Variants in TAOK3 observed in about 807,000 individuals in gnomAD.
TAOK3 encodes the protein serine/threonine-protein kinase TAO3.
A neutral mutation model predicts 120.4 loss-of-function variants in TAOK3; 40 were observed. The observed-to-expected ratio is 0.33, with a 90% CI of 0.26 to 0.43. The LOEUF is 0.43. TAOK3 is among the 20% of genes least tolerant of loss of function. TAOK3 has a pLI of 1.00. For synonymous variants in TAOK3, 355 were observed against 387.5 expected, an observed-to-expected ratio of 0.92 and a Z score of 0.99; for missense variants, 821 against 1,112.1, an observed-to-expected ratio of 0.74 and a Z score of 3.72.
At chr12:118,179,854 C>T (rs2138843042) in intron 15 of TAOK3, among the ~76,000 whole-genome samples, 1 of 151,162 alleles carries the variant, frequency 6.6e-6, no homozygotes, top group African/African-American at 2.4e-5. Flanking sequence ...CCATGTTGGC[C>T]AGGCTGGTCT....
chr12:118,338,718 C>G (rs1454905138), intron 1 of TAOK3, among the ~76,000 whole-genome samples: 1 of 129,078 alleles, frequency 7.7e-6, no homozygotes, highest in African/African-American at 3.0e-5. Flanking sequence ...ACCTGGGAGG[C>G]AGAGGTTGCA....
In TAOK3 at chr12:118,195,562, C is replaced by T. The variant is rs1228082475; in HGVS notation, c.1194+3489G>A. ...TCACAGAACATTTGTTGAGCGCTTA[C>T]TATGTAACAGACACTGTGCTACGTG... On this transcript the variant is annotated intron_variant, in intron 13 of 20. Coordinates refer to ENST00000392533, the MANE Select transcript of TAOK3 (RefSeq NM_016281.4). Among the ~76,000 whole-genome samples the T allele has an allele frequency of 2.0e-5, 3 of 152,132 alleles. No homozygotes were observed. In the South Asian group the frequency reaches 6.2e-4, roughly 32 times the overall value.
chr12:118,351,164 A>C (rs974910241), intron 1 of TAOK3, among the ~76,000 whole-genome samples: 1 of 152,214 alleles, frequency 6.6e-6, no homozygotes, highest in Middle Eastern at 3.4e-3. Flanking sequence ...AGGTGACAGA[A>C]TAAAACTCTG....
At chr12:118,304,502 C>T (rs77331650) in intron 1 of TAOK3, among the ~76,000 whole-genome samples, 2,930 of 152,238 alleles carry the variant, frequency 0.019, 43 homozygotes, top group Non-Finnish European at 0.032. Context: ...CTTCATACCC[C>T]AGTTTAGAAA....
chr12:118,352,703 T>C (rs2045227814), intron 1 of TAOK3, among the ~76,000 whole-genome samples: 2 of 152,086 alleles, frequency 1.3e-5, no homozygotes, highest in African/African-American at 4.8e-5. Flanking sequence ...TTACCAGGGT[T>C]ACTGATCTTA....
intron 1 of TAOK3, among the ~76,000 whole-genome samples, chr12:118,367,192 G>A (rs923850173): frequency 3.9e-5 from 6 of 152,108 alleles, no homozygotes; most frequent in Non-Finnish European, 8.8e-5. Flanking sequence ...AAAGAAATTG[G>A]CCCCTAAGTC....
At chr12:118,196,527 AAAAAG>A (rs1386016030) in intron 13 of TAOK3, among the ~76,000 whole-genome samples, 2 of 152,204 alleles carry the variant, frequency 1.3e-5, no homozygotes, top group Non-Finnish European at 2.9e-5. Flanking sequence ...CAAAAATTAA[AAAAAG>A]AAAAGAAAAG....
intron 1 of TAOK3, among the ~76,000 whole-genome samples, chr12:118,271,218 T>C (rs1046802648): frequency 2.0e-5 from 3 of 152,238 alleles, no homozygotes; most frequent in Non-Finnish European, 4.4e-5. Flanking sequence ...GTTTTTAGTA[T>C]ATTTAGTATT....
chr12:118,202,224 T>C (rs889921141), intron 11 of TAOK3, among the ~76,000 whole-genome samples: 1 of 150,818 alleles, frequency 6.6e-6, no homozygotes, highest in Non-Finnish European at 1.5e-5. Flanking sequence ...GTCTTAAATA[T>C]CTATATCACA....
intron 9 of TAOK3, among the ~76,000 whole-genome samples, chr12:118,217,967 C>T (rs2039019177): frequency 6.8e-6 from 1 of 146,676 alleles, no homozygotes; most frequent in Non-Finnish European, 1.5e-5. Flanking sequence ...TCAAGTGATT[C>T]TTCTGCCTCA....
At chr12:118,361,090 T>A (rs1187455813) in intron 1 of TAOK3, among the ~76,000 whole-genome samples, 2 of 152,236 alleles carry the variant, frequency 1.3e-5, no homozygotes, top group East Asian at 3.8e-4. Context: ...GAAGCTTGAT[T>A]TGACCAATTT....
At chr12:118,198,644 C>T in intron 13 of TAOK3, 1 of 215,704 alleles carries the variant, frequency 4.6e-6, no homozygotes, top group Non-Finnish European at 9.5e-6. Context: ...GCCTAGGCCT[C>T]CCAAAGGGCT....
chr12:118,359,214 T>C (rs1296806553), intron 1 of TAOK3: 1 of 152,202 alleles, frequency 6.6e-6, no homozygotes, highest in Non-Finnish European at 1.5e-5. Context: ...TTATACAGCT[T>C]TGCATTTCGA....
intron 1 of TAOK3, among the ~76,000 whole-genome samples, chr12:118,347,596 C>A (rs1163201618): frequency 6.6e-6 from 1 of 152,190 alleles, no homozygotes; most frequent in Non-Finnish European, 1.5e-5. Context: ...AAGGTTGTTT[C>A]TTGGTTTGTG....
At chr12:118,189,783 G>A (rs762239983) in intron 14 of TAOK3, 24 bp downstream of exon 14, 2 of 1,613,690 alleles carry the variant, frequency 1.2e-6, no homozygotes, top group East Asian at 2.2e-5. Flanking sequence ...GGAAGGGAAG[G>A]TGGGTAGAGG....
At chr12:118,224,736 AAAG>A (rs2039417747) in intron 9 of TAOK3, among the ~76,000 whole-genome samples, 1 of 152,194 alleles carries the variant, frequency 6.6e-6, no homozygotes, top group African/African-American at 2.4e-5. Context: ...GATCTTTAGG[AAAG>A]AAGGACAGTG....
intron 1 of TAOK3, among the ~76,000 whole-genome samples, chr12:118,299,725 G>T (rs1008480458): frequency 6.6e-6 from 1 of 152,066 alleles, no homozygotes; most frequent in Non-Finnish European, 1.5e-5. Flanking sequence ...GGTCAGGCTG[G>T]TCTCGAACTC....
chr12:118,172,760 G>T (rs2036083339), intron 16 of TAOK3, 100 bp from the exon 17 acceptor site: 1 of 1,095,460 alleles, frequency 9.1e-7, no homozygotes, highest in East Asian at 2.4e-5. Flanking sequence ...AGCCAATGCA[G>T]ATGTAAGCAC....
chr12:118,276,206 A>G (rs1427282575), intron 1 of TAOK3, among the ~76,000 whole-genome samples: 4 of 152,238 alleles, frequency 2.6e-5, no homozygotes, highest in Non-Finnish European at 5.9e-5. Flanking sequence ...CCATTGCAAA[A>G]GTCTAAGAAA....
Sources: allele counts gnomAD v4.1 joint callset (sites outside exome capture counted in the v4.1 genomes callset), GRCh38; gene constraint gnomAD v4.1.1; transcripts MANE v1.5; gene names NCBI Gene and HGNC (gene_info 2026-07-23, HGNC 2026-07-21).